The following RGS5 variants were observed in gnomAD, a reference collection of about 807,000 sequenced individuals.
The protein encoded by RGS5 is regulator of G-protein signalling 5.
In RGS5, 20 loss-of-function variants were observed where a neutral mutation model predicts 18.9. The observed-to-expected ratio is 1.06, with a 90% CI of 0.74 to 1.54. The LOEUF is 1.54. Ranked by LOEUF, RGS5 falls within the 40% of genes most tolerant of loss-of-function variation. The pLI is 0.00. For synonymous variants in RGS5, 57 were observed against 76.2 expected (o/e 0.75, Z 1.31); for missense variants, 201 against 211.8 (o/e 0.95, Z 0.32).
chr1:163,164,865 A>T (rs1282244414), intron 2 of RGS5, among the ~76,000 whole-genome samples: 1 of 152,206 alleles, frequency 6.6e-6, no homozygotes, highest in Non-Finnish European at 1.5e-5. Flanking sequence ...TAATCTGCGC[A>T]GTGCCTGGCA....
At chr1:163,174,288 G>A (rs546787304) in intron 1 of RGS5, among the ~76,000 whole-genome samples, 1 of 152,294 alleles carries the variant, frequency 6.6e-6, no homozygotes, top group Admixed American at 6.5e-5. Context: ...TCCCATTAAA[G>A]TGTCAGGTCC....
chr1:163,232,041 C>T (rs1235959930), intron 2 of RGS5, among the ~76,000 whole-genome samples: 1 of 151,448 alleles, frequency 6.6e-6, no homozygotes, highest in African/African-American at 2.4e-5. Context: ...TAATTGTATA[C>T]CCTTGGGTGA....
chr1:163,187,242 T>G (rs377102172), intron 1 of RGS5, among the ~76,000 whole-genome samples: 5 of 152,174 alleles, frequency 3.3e-5, no homozygotes, highest in African/African-American at 9.7e-5. Flanking sequence ...AAATAAAAGT[T>G]ATTTTAACCC....
At position 163,245,807 on chromosome 1, in the gene RGS5, A is replaced by G. The variant is rs193134355; in HGVS notation, c.-281+60426T>C. Among the ~76,000 whole-genome samples the G allele has an allele frequency of 3.3e-5, 5 of 152,356 alleles. No individual in the cohort carries two copies. The East Asian group carries it at 9.6e-4, about 29-fold the overall frequency. ...CCATTGTGTGTGCTCAATATATAGTAGCTTAAAAATAAACTCGTTTCTGTA... is the reference window on the plus strand; with the variant it reads ...CCATTGTGTGTGCTCAATATATAGTGGCTTAAAAATAAACTCGTTTCTGTA... On this transcript the variant is annotated intron_variant, in intron 2 of 5. Transcript: ENST00000618415.
At chr1:163,234,421 T>A (rs1276914228) in intron 2 of RGS5, among the ~76,000 whole-genome samples, 1 of 152,200 alleles carries the variant, frequency 6.6e-6, no homozygotes, top group African/African-American at 2.4e-5. Flanking sequence ...AATATTTTCT[T>A]AGGAATATTT....
Position 163,142,315 on chromosome 1 carries a change from T to C in RGS5, c.*5027A>G, listed in dbSNP as rs1161688851. The stretch of plus-strand genomic sequence containing the variant: ...CTCATATGAGGCTGTTATATAGATA[T>C]ATATTTAATATAATATGTGTGATTG... On this transcript the variant is annotated 3_prime_UTR_variant, in exon 5 of 5. Coordinates refer to ENST00000313961, the MANE Select transcript of RGS5 (RefSeq NM_003617.4). 6.6e-6 allele frequency: 1 copy of C among 152,274 alleles called. No homozygotes were observed. The highest frequency in any genetic ancestry group is 1.9e-4 in the East Asian group (1 of 5,186). The allele number at this position is 152,274 out of a possible 1,614,324, so 9.4% of individuals were successfully genotyped here.
rs571302127 is a variant in RGS5, at chr1:163,145,205, C to T, written c.*2137G>A. On this transcript the variant is annotated 3_prime_UTR_variant, in exon 5 of 5. Coordinates refer to ENST00000313961, the MANE Select transcript of RGS5 (RefSeq NM_003617.4). Reference sequence around the variant, plus strand: ...CTGGAGTCTTCATAACATCAACCCTCTAGGTGAGATCTGTAATAGCTAGTT... The same window carrying T: ...CTGGAGTCTTCATAACATCAACCCTTTAGGTGAGATCTGTAATAGCTAGTT... 6 of 152,234 alleles carry T rather than the reference C, an allele frequency of 3.9e-5. No individual in the cohort carries two copies. Among genetic ancestry groups the T allele is most frequent in the African/African-American group, 7.2e-5 (3 of 41,544 alleles). The allele number at this position is 152,234 out of a possible 1,614,324, so 9.4% of individuals were successfully genotyped here. A position where few individuals can be genotyped will look rare whatever the true frequency, so the allele number is the denominator to read the frequency against.
chr1:163,155,119 G>T (rs1657531086), intron 3 of RGS5, among the ~76,000 whole-genome samples: 3 of 152,022 alleles, frequency 2.0e-5, no homozygotes, highest in Admixed American at 2.0e-4. Context: ...AAGACGGCTG[G>T]AGGCAAAAAT....
At chr1:163,283,870 G>A (rs534634254) in intron 2 of RGS5, among the ~76,000 whole-genome samples, 1 of 152,276 alleles carries the variant, frequency 6.6e-6, no homozygotes, top group Admixed American at 6.5e-5. Context: ...GAGTGTATTT[G>A]GAGGTATTCT....
intron 1 of RGS5, among the ~76,000 whole-genome samples, chr1:163,311,881 G>A (rs1649873181): frequency 1.3e-5 from 2 of 152,242 alleles, no homozygotes; most frequent in South Asian, 4.1e-4. Context: ...CTTGCTCAAT[G>A]TGGGGTTGCC....
chr1:163,271,263 T>C (rs1485448348), intron 2 of RGS5, among the ~76,000 whole-genome samples: 1 of 152,184 alleles, frequency 6.6e-6, no homozygotes, highest in Non-Finnish European at 1.5e-5. Flanking sequence ...TTGGACTGCA[T>C]GTTTGTGTTT....
At chr1:163,162,037 C>T in intron 2 of RGS5, 61 bp from the exon 3 acceptor site, 1 of 1,058,682 alleles carries the variant, frequency 9.4e-7, no homozygotes, top group Non-Finnish European at 1.5e-6. Flanking sequence ...ACCACATGTA[C>T]CAGCAATAAC....
intron 4 of RGS5, among the ~76,000 whole-genome samples, chr1:163,148,055 C>A (rs1225551254): frequency 6.6e-6 from 1 of 151,120 alleles, no homozygotes. Flanking sequence ...AGCCTCCCAA[C>A]TAGCTGGGTT....
At chr1:163,315,969 A>G (rs1276138989) in intron 1 of RGS5, among the ~76,000 whole-genome samples, 1 of 152,216 alleles carries the variant, frequency 6.6e-6, no homozygotes, top group Non-Finnish European at 1.5e-5. Flanking sequence ...ACACTAATGC[A>G]ACAGCGCCAC....
intron 1 of RGS5, among the ~76,000 whole-genome samples, chr1:163,200,164 G>A (rs1659721849): frequency 6.6e-6 from 1 of 151,974 alleles, no homozygotes; most frequent in African/African-American, 2.4e-5. Flanking sequence ...TTTGCTCAGG[G>A]ACACAAATTC....
intron 2 of RGS5, among the ~76,000 whole-genome samples, chr1:163,231,962 G>A (rs1003187020): frequency 5.4e-5 from 8 of 149,322 alleles, no homozygotes; most frequent in Non-Finnish European, 1.0e-4. Flanking sequence ...CAGAGAGGCT[G>A]ATATGCAAAG....
At chr1:163,298,133 G>C (rs971793537) in intron 2 of RGS5, among the ~76,000 whole-genome samples, 13 of 151,926 alleles carry the variant, frequency 8.6e-5, no homozygotes, top group African/African-American at 3.1e-4. Flanking sequence ...AAAATGCAAG[G>C]GATGGAGGGA....
rs1657076190 is a variant in RGS5 at position 163,145,008 on chromosome 1, T to C, written c.*2334A>G. On this transcript the variant is annotated 3_prime_UTR_variant, in exon 5 of 5. Coordinates refer to ENST00000313961, the MANE Select transcript of RGS5 (RefSeq NM_003617.4). ...AGATAGATATATGTAGATATATAGA[T>C]ATAATGTCACAATATCACTATAAGG... 1 of 152,204 alleles carries C rather than the reference T, an allele frequency of 6.6e-6. No homozygotes were observed. Among genetic ancestry groups the C allele is most frequent in the African/African-American group, 2.4e-5 (1 of 41,460 alleles). 9.4% of individuals were successfully genotyped at this position (152,204 alleles called of 1,614,324 possible).
chr1:163,227,177 G>T lies in RGS5; in HGVS notation c.-280-58809C>A, dbSNP rs112560166. ...TAAGTCACAGTATGGTTACATCTTT[G>T]CTCAAAACATACTGATGGCTTTCCA... On this transcript the variant is annotated intron_variant, in intron 2 of 5. Transcript: ENST00000618415. Among the ~76,000 whole-genome samples the T allele has an allele frequency of 1.2e-3, 188 of 152,276 alleles. 1 individual carries two copies. The highest frequency in any genetic ancestry group is 4.4e-3 in the African/African-American group (183 of 41,552).
Sources: allele counts gnomAD v4.1 joint callset (sites outside exome capture counted in the v4.1 genomes callset), GRCh38; gene constraint gnomAD v4.1.1; transcripts MANE v1.5; gene names NCBI Gene and HGNC (gene_info 2026-07-23, HGNC 2026-07-21).